Variants in SEC24B observed in about 807,000 individuals in gnomAD.
SEC24B encodes the protein protein transport protein Sec24B.
SEC24B carries 45 observed loss-of-function variants against 142.8 expected under a neutral mutation model. The ratio of observed to expected loss-of-function variants is 0.32; its 90% CI spans 0.25 to 0.40. The LOEUF (loss-of-function observed/expected upper bound fraction) is 0.40, where lower values mean the gene tolerates loss of function less well. Ranked by LOEUF, SEC24B falls within the 10% of genes least tolerant of loss-of-function variation. SEC24B has a pLI of 1.00. For synonymous variants in SEC24B, 574 were observed against 568.2 expected (o/e 1.01, Z -0.15); for missense variants, 1,409 against 1,526.8 (o/e 0.92, Z 1.29).
At chr4:109,439,412 A>G (rs962646742) in intron 1 of SEC24B, among the ~76,000 whole-genome samples, 2 of 143,768 alleles carry the variant, frequency 1.4e-5, no homozygotes, top group East Asian at 2.1e-4. Flanking sequence ...AGGTCCTCTC[A>G]TGAATATACC....
At chr4:109,523,573 C>G (rs1048933036) in intron 14 of SEC24B, among the ~76,000 whole-genome samples, 1 of 152,126 alleles carries the variant, frequency 6.6e-6, no homozygotes, top group Non-Finnish European at 1.5e-5. Context: ...TTTTTAAGCC[C>G]TATTTCAAAT....
chr4:109,506,576 T>C (rs1736712860), intron 7 of SEC24B, 64 bp downstream of exon 7: 10 of 1,086,960 alleles, frequency 9.2e-6, no homozygotes, highest in Non-Finnish European at 1.3e-5. Flanking sequence ...CTTTCAAAAA[T>C]AGTAAAAGTA....
At chr4:109,524,679 G>C in intron 14 of SEC24B, 139 bp from the exon 15 acceptor site, 1 of 592,858 alleles carries the variant, frequency 1.7e-6, no homozygotes, top group Non-Finnish European at 2.8e-6. Flanking sequence ...TTATCATAGG[G>C]AATCTGCACC....
intron 22 of SEC24B, among the ~76,000 whole-genome samples, chr4:109,537,712 C>A (rs1725712881): frequency 6.6e-6 from 1 of 151,922 alleles, no homozygotes; most frequent in Non-Finnish European, 1.5e-5. Flanking sequence ...TGATATGATC[C>A]CCATTTGTAT....
chr4:109,435,885 G>T (rs1268439559), intron 1 of SEC24B, among the ~76,000 whole-genome samples: 1 of 152,136 alleles, frequency 6.6e-6, no homozygotes, highest in East Asian at 1.9e-4. Context: ...GACAGGTTGG[G>T]GTGGGAGGGA....
intron 6 of SEC24B, among the ~76,000 whole-genome samples, chr4:109,501,171 CTA>C (rs1269084578): frequency 6.6e-6 from 1 of 152,084 alleles, no homozygotes; most frequent in Admixed American, 6.6e-5. Context: ...TGTAGTTTTT[CTA>C]TGTTTAGATA....
chr4:109,510,943 G>A (rs947541501), intron 8 of SEC24B, among the ~76,000 whole-genome samples: 1 of 151,972 alleles, frequency 6.6e-6, no homozygotes, highest in Non-Finnish European at 1.5e-5. Flanking sequence ...GCTTCCTTGT[G>A]AAGCTTACTT....
intron 2 of SEC24B, among the ~76,000 whole-genome samples, chr4:109,464,927 G>A (rs1484431521): frequency 2.0e-5 from 3 of 152,164 alleles, no homozygotes; most frequent in Non-Finnish European, 2.9e-5. Context: ...AGTGGATCCC[G>A]CTGTTCTTGG....
intron 4 of SEC24B, among the ~76,000 whole-genome samples, chr4:109,482,936 C>CTATATATATATATA (rs775978447): frequency 1.4e-4 from 5 of 34,614 alleles, no homozygotes; most frequent in Non-Finnish European, 2.4e-4. Context: ...CAGGCTTGTA[C>CTATATATATATATA]TATATATATA....
intron 6 of SEC24B, 114 bp downstream of exon 6, chr4:109,494,970 A>C: frequency 8.0e-7 from 1 of 1,249,456 alleles, no homozygotes; most frequent in Non-Finnish European, 1.1e-6. Context: ...AATACATGTC[A>C]GCCTAGATCA....
intron 4 of SEC24B, among the ~76,000 whole-genome samples, chr4:109,482,979 T>TAC (rs1554001099): frequency 0.14 from 3,691 of 26,140 alleles, 665 homozygotes; most frequent in Middle Eastern, 0.23. Flanking sequence ...TATATATATA[T>TAC]ACACACACAC....
In SEC24B at chr4:109,476,367, G is replaced by T. The variant is rs150486431; in HGVS notation, c.1060+3181G>T. 5.4e-4 allele frequency among the ~76,000 whole-genome samples: 82 copies of T among 152,200 alleles called. No homozygotes were observed. In the East Asian group the frequency reaches 8.9e-3, roughly 16 times the overall value. Reference sequence around the variant, plus strand: ...GAATTTTGGTATTTATGTGAAGTACGTTTTTATTGGAAATACATCTTTCAG... The same window carrying T: ...GAATTTTGGTATTTATGTGAAGTACTTTTTTATTGGAAATACATCTTTCAG... On this transcript the variant is annotated intron_variant, in intron 3 of 23. Transcript: ENST00000265175.
intron 1 of SEC24B, among the ~76,000 whole-genome samples, chr4:109,460,954 A>G (rs957445163): frequency 2.0e-5 from 3 of 152,044 alleles, no homozygotes; most frequent in African/African-American, 7.2e-5. Flanking sequence ...AAATCTGTCA[A>G]GCATAAAAAA....
intron 4 of SEC24B, among the ~76,000 whole-genome samples, chr4:109,485,493 G>A (rs764469127): frequency 1.2e-4 from 19 of 152,220 alleles, no homozygotes; most frequent in East Asian, 3.9e-4. Flanking sequence ...AGTGTTAAAC[G>A]TACATGTTAT....
intron 1 of SEC24B, among the ~76,000 whole-genome samples, chr4:109,439,785 G>A (rs1728766647): frequency 6.6e-6 from 1 of 150,970 alleles, no homozygotes; most frequent in South Asian, 2.1e-4. Flanking sequence ...ACAGGCGTGA[G>A]CCACTGAGCC....
At chr4:109,521,341 G>T in intron 13 of SEC24B, 79 bp from the exon 14 acceptor site, 1 of 1,256,398 alleles carries the variant, frequency 8.0e-7, no homozygotes. Flanking sequence ...AGTGACACAT[G>T]ATACACTATG....
chr4:109,506,434 A>G lies in SEC24B; in HGVS notation c.1595A>G (p.Asn532Ser), dbSNP rs753178056. The stretch of plus-strand genomic sequence containing the variant: ...CCTGTAAACCTTACTCAGGAGAGGA[A>G]TATTTTACCTATGACTCCTGTTTGG... ...LRPVNLTQER[N>S]ILPMTPVWAP... is the part of the protein sequence containing the mutation. The change falls in exon 7 of 24, where the codon AAT becomes AGT. Residue 532 changes from asparagine to serine, a missense_variant. Asn to Ser is a conservative substitution (Grantham distance 46). This residue lies in a region of SEC24B where 709 missense variants were observed against 673.5 expected (regional missense o/e 1.05). Transcript: ENST00000265175. 5.6e-6 allele frequency: 9 copies of G among 1,610,030 alleles called. No homozygotes were observed. Among genetic ancestry groups the G allele is most frequent in the African/African-American group, 2.7e-5 (2 of 74,764 alleles).
chr4:109,462,758 A>T (rs759806651), intron 1 of SEC24B, 143 bp from the exon 2 acceptor site: 3 of 678,354 alleles, frequency 4.4e-6, no homozygotes, highest in African/African-American at 1.8e-5. Context: ...GCAGGCTACC[A>T]TAATGGGTCT....
At chr4:109,455,484 G>A (rs539980527) in intron 1 of SEC24B, among the ~76,000 whole-genome samples, 20 of 152,040 alleles carry the variant, frequency 1.3e-4, no homozygotes, top group African/African-American at 4.6e-4. Context: ...CAGGTAATCC[G>A]CCCACCTAGG....
Sources: gnomAD v4.1 joint callset for allele counts (sites outside exome capture counted in the v4.1 genomes callset) on GRCh38, gnomAD v4.1.1 for gene constraint, gnomAD v4.1.1 regional missense constraint, MANE v1.5 for transcripts, NCBI Gene and HGNC (gene_info 2026-07-23, HGNC 2026-07-21) for gene names.